The following SBF2 variants were observed in gnomAD, a reference collection of about 807,000 sequenced individuals.
SBF2 encodes myotubularin-related protein 13.
In SBF2, 112 loss-of-function variants were observed where a neutral mutation model predicts 225.2. The ratio of observed to expected loss-of-function variants is 0.50; its 90% confidence interval spans 0.43 to 0.58. The LOEUF (loss-of-function observed/expected upper bound fraction) is 0.58, where lower values mean the gene tolerates loss of function less well. SBF2 is among the 20% of genes least tolerant of loss of function. The probability of loss-of-function intolerance (pLI) is 0.00; values close to 1 mark genes in which losing one functional copy is unlikely to be tolerated. For missense variants in SBF2, 1,996 were observed against 2,206.2 expected (o/e 0.90, Z 1.91); for synonymous variants, 763 against 773.3 (o/e 0.99, Z 0.22).
In SBF2 at chr11:10,245,771, A is replaced by T. The variant is rs142252842; in HGVS notation, c.55+48244T>A. On this transcript the variant is annotated intron_variant, in intron 1 of 39. Transcript: ENST00000256190. ...AATGTCCATTGACAGATAAATGGAT[A>T]AGAAAAATGTGGGATATAAATACAA... is the stretch of plus-strand genomic sequence containing the variant. 8.2e-4 allele frequency among the ~76,000 whole-genome samples: 125 copies of T among 152,370 alleles called. No homozygotes were observed. The Middle Eastern group carries it at 0.01, about 12-fold the overall frequency.
At chr11:9,847,662 A>G (rs1856648811) in intron 22 of SBF2, among the ~76,000 whole-genome samples, 1 of 152,198 alleles carries the variant, frequency 6.6e-6, no homozygotes, top group Non-Finnish European at 1.5e-5. Context: ...TTTGGAAAAC[A>G]AGCCTGGACT....
intron 27 of SBF2, among the ~76,000 whole-genome samples, chr11:9,829,977 C>G (rs930854888): frequency 3.5e-4 from 54 of 152,228 alleles, no homozygotes; most frequent in African/African-American, 1.2e-3. Flanking sequence ...TATTTCAATT[C>G]TGCCACACAG....
intron 2 of SBF2, among the ~76,000 whole-genome samples, chr11:10,188,094 C>T (rs920421219): frequency 2.0e-5 from 3 of 152,132 alleles, no homozygotes; most frequent in African/African-American, 7.2e-5. Context: ...TTCTACTGAA[C>T]CACATTAGTC....
At chr11:10,272,556 G>A (rs1171359003) in intron 1 of SBF2, among the ~76,000 whole-genome samples, 2 of 152,004 alleles carry the variant, frequency 1.3e-5, no homozygotes, top group South Asian at 2.1e-4. Context: ...ACCAAAGTGC[G>A]AACTCACCAG....
intron 32 of SBF2, among the ~76,000 whole-genome samples, chr11:9,803,579 A>G (rs1199089952): frequency 6.6e-6 from 1 of 152,178 alleles, no homozygotes; most frequent in African/African-American, 2.4e-5. Flanking sequence ...AGTGTATCTT[A>G]CATGAGAACC....
At chr11:10,232,746 G>A (rs1010228620) in intron 1 of SBF2, among the ~76,000 whole-genome samples, 10 of 151,762 alleles carry the variant, frequency 6.6e-5, no homozygotes, top group African/African-American at 2.4e-4. Context: ...TTTAAAATGA[G>A]TATCTTCTAC....
chr11:9,959,176 C>A (rs1386233987), intron 16 of SBF2: 1 of 814,084 alleles, frequency 1.2e-6, no homozygotes. Flanking sequence ...CATGCTGATT[C>A]CTTCACAGGG....
intron 16 of SBF2, among the ~76,000 whole-genome samples, chr11:9,914,440 C>T (rs552896648): frequency 2.0e-5 from 3 of 152,252 alleles, no homozygotes; most frequent in African/African-American, 7.2e-5. Context: ...AGGATGGAAG[C>T]AAAATAGTCT....
intron 28 of SBF2, among the ~76,000 whole-genome samples, chr11:9,821,379 G>C (rs1854744458): frequency 6.6e-6 from 1 of 152,140 alleles, no homozygotes; most frequent in Non-Finnish European, 1.5e-5. Flanking sequence ...CCCCCAAACA[G>C]AGGCTCATCA....
At position 10,222,215 on chromosome 11, in the gene SBF2, T is replaced by A. The variant is rs1489856149; in HGVS notation, c.56-28228A>T. Among the ~76,000 whole-genome samples, 3 of 152,288 alleles carry A rather than the reference T, an allele frequency of 2.0e-5. No homozygotes were observed. The East Asian group carries it at 5.8e-4, about 29-fold the overall frequency. ...AATTCAGAGGCTCCACAACTTCATA[T>A]TCACAATATCCAAAACACAATCTAA... On this transcript the variant is annotated intron_variant, in intron 1 of 39. Coordinates refer to ENST00000256190, the MANE Select transcript of SBF2 (RefSeq NM_030962.4).
At chr11:10,258,109 C>CT (rs1555098199) in intron 1 of SBF2, among the ~76,000 whole-genome samples, 113 of 133,502 alleles carry the variant, frequency 8.5e-4, no homozygotes, top group African/African-American at 2.4e-3. Flanking sequence ...CACACACACA[C>CT]TTTTTTTTTT....
intron 1 of SBF2, among the ~76,000 whole-genome samples, chr11:10,261,935 CA>C (rs1039040511): frequency 2.0e-5 from 3 of 151,858 alleles, no homozygotes; most frequent in African/African-American, 7.3e-5. Context: ...CTATGGCAGA[CA>C]AAAAAATCAG....
intron 1 of SBF2, among the ~76,000 whole-genome samples, chr11:10,258,071 T>TACACACATAC (rs1961029721): frequency 1.0e-5 from 1 of 96,254 alleles, no homozygotes; most frequent in African/African-American, 4.4e-5. Flanking sequence ...GAGGTATAAA[T>TACACACATAC]ACACACACAT....
intron 16 of SBF2, among the ~76,000 whole-genome samples, chr11:9,905,077 T>C (rs144725159): frequency 1.8e-4 from 27 of 152,330 alleles, no homozygotes; most frequent in African/African-American, 5.8e-4. Flanking sequence ...TTTTGAATCA[T>C]ATAGACAGAG....
intron 1 of SBF2, among the ~76,000 whole-genome samples, chr11:10,257,205 C>T (rs1250683756): frequency 2.6e-5 from 4 of 152,200 alleles, no homozygotes; most frequent in Non-Finnish European, 5.9e-5. Flanking sequence ...TTATCCCATA[C>T]TGTCAATGAC....
At chr11:10,295,513 G>A (rs1343021690), upstream of SBF2, among the ~76,000 whole-genome samples, 1 of 152,012 alleles carries the variant, frequency 6.6e-6, no homozygotes, top group African/African-American at 2.4e-5. Flanking sequence ...TATGTCAGTT[G>A]CTAATGGTAA....
At chr11:10,109,022 A>G (rs930894755) in intron 2 of SBF2, among the ~76,000 whole-genome samples, 2 of 152,212 alleles carry the variant, frequency 1.3e-5, no homozygotes, top group Admixed American at 6.5e-5. Flanking sequence ...AGGAACCTCC[A>G]AAGGCTGGCC....
chr11:9,992,056 A>G (rs561090078), intron 12 of SBF2, among the ~76,000 whole-genome samples: 113 of 152,276 alleles, frequency 7.4e-4, no homozygotes, highest in African/African-American at 2.5e-3. Flanking sequence ...TTAAAATGTA[A>G]TATTTTAAAA....
chr11:10,033,664 AC>A (rs1270846345), intron 3 of SBF2, among the ~76,000 whole-genome samples: 1 of 2,194 alleles, frequency 4.6e-4, no homozygotes, highest in African/African-American at 9.6e-4. Context: ...CTGTGATTAA[AC>A]ACACACACAC....
Sources: gnomAD v4.1 joint callset for allele counts (sites outside exome capture counted in the v4.1 genomes callset) on GRCh38, gnomAD v4.1.1 for gene constraint, MANE v1.5 for transcripts, NCBI Gene and HGNC (gene_info 2026-07-23, HGNC 2026-07-21) for gene names.